The following TACC2 variants were observed in gnomAD, a reference collection of about 807,000 sequenced individuals.
The protein encoded by TACC2 is transforming acidic coiled-coil containing protein 2.
Under a neutral mutation model 227.3 loss-of-function variants are expected in TACC2, and 137 were observed. The observed-to-expected ratio is 0.60, with a 90% CI of 0.52 to 0.69. The LOEUF is 0.69. TACC2 is among the 30% of genes least tolerant of loss of function. TACC2 has a pLI of 0.00. For missense variants in TACC2, 3,470 were observed against 3,694.4 expected (o/e 0.94, Z 1.57); for synonymous variants, 1,523 against 1,487.5 (o/e 1.02, Z -0.55).
chr10:122,164,241 G>T (rs2093010429), intron 7 of TACC2, among the ~76,000 whole-genome samples: 1 of 152,208 alleles, frequency 6.6e-6, no homozygotes, highest in Admixed American at 6.5e-5. Context: ...GTGCATGGCT[G>T]GGGGGCTTCT....
At chr10:122,022,234 C>A (rs1957421693) in intron 2 of TACC2, 6 of 509,926 alleles carry the variant, frequency 1.2e-5, no homozygotes, top group African/African-American at 1.9e-5. Flanking sequence ...AACGCTAATT[C>A]TACTTATTAT....
chr10:122,007,790 C>T (rs1056212855), intron 1 of TACC2, among the ~76,000 whole-genome samples: 8 of 152,106 alleles, frequency 5.3e-5, no homozygotes, highest in African/African-American at 1.9e-4. Context: ...CATTGAAATT[C>T]AGTCCCCAAT....
At chr10:122,034,094 G>A (rs569877662) in intron 2 of TACC2, among the ~76,000 whole-genome samples, 2 of 147,984 alleles carry the variant, frequency 1.4e-5, no homozygotes, top group Non-Finnish European at 3.0e-5. Context: ...AGAGGTTGCA[G>A]TGAGCCGAGA....
rs527931288 is a variant in TACC2 at position 122,182,895 on chromosome 10, G to A, written c.5835-12145G>A. The stretch of plus-strand genomic sequence containing the variant: ...ACACATAGGTGAAGATACATTCGAT[G>A]TAAACAGCTTAGGAGCCAGGTCGGG... On this transcript the variant is annotated intron_variant, in intron 7 of 22. Coordinates refer to ENST00000369005, the MANE Select transcript of TACC2 (RefSeq NM_206862.4). 2.6e-5 allele frequency among the ~76,000 whole-genome samples: 4 copies of A among 152,256 alleles called. No individual in the cohort carries two copies. The East Asian group carries it at 7.7e-4, about 29-fold the overall frequency.
Position 122,088,390 on chromosome 10 carries a change from T to C in TACC2, c.5460-88T>C, listed in dbSNP as rs927553433. ...TTGTAGTAGCCACTTAAAACTTTAA[T>C]TGAGAAATCTGCTTTTTCAATAGGA... On this transcript the variant is annotated intron_variant, in intron 4 of 22. Transcript: ENST00000369005. 9 of 1,269,564 alleles carry C rather than the reference T, an allele frequency of 7.1e-6. No individual in the cohort carries two copies. The African/African-American group carries it at 1.4e-4, about 19-fold the overall frequency. 78.6% of individuals were successfully genotyped at this position (1,269,564 alleles called of 1,614,324 possible).
At position 122,083,255 on chromosome 10, in the gene TACC2, C is replaced by A; in HGVS notation, c.755C>A (p.Ala252Asp). The A allele has an allele frequency of 6.2e-7, 1 of 1,613,670 alleles. No homozygotes were observed. Among genetic ancestry groups the A allele is most frequent in the Non-Finnish European group, 8.5e-7 (1 of 1,179,994 alleles). Residue 252 changes from alanine (A) to aspartate (D), a missense_variant, in exon 4 of 23, where the codon GCC (alanine) becomes GAC (aspartate). This residue lies in a region of TACC2 where 405 missense variants were observed against 389.6 expected (regional missense o/e 1.04). Coordinates refer to ENST00000369005, the MANE Select transcript of TACC2 (RefSeq NM_206862.4). ...GVASVQVTPE[A>D]PAAAQQGTES... ...GCTTCTGTGCAAGTGACCCCTGAGG[C>A]CCCTGCTGCAGCCCAGCAGGGCACA...
chr10:122,198,061 T>C (rs1004560629), intron 8 of TACC2, among the ~76,000 whole-genome samples: 2 of 152,258 alleles, frequency 1.3e-5, no homozygotes, highest in African/African-American at 4.8e-5. Context: ...CGTGAATTAA[T>C]ACACAACACC....
intron 2 of TACC2, 160 bp downstream of exon 2, chr10:122,022,174 A>T (rs554928538): frequency 1.6e-6 from 1 of 634,690 alleles, no homozygotes; most frequent in African/African-American, 1.8e-5. Flanking sequence ...GCCATTTTTC[A>T]TTTCATTGGA....
At chr10:122,130,573 G>A (rs987338646) in intron 5 of TACC2, among the ~76,000 whole-genome samples, 7 of 152,122 alleles carry the variant, frequency 4.6e-5, no homozygotes, top group African/African-American at 1.4e-4. Context: ...ATAAGCCACC[G>A]TGCCCAGCCC....
At chr10:122,216,606 C>T (rs776155794) in intron 10 of TACC2, 21 bp from the exon 11 acceptor site, 2 of 1,609,174 alleles carry the variant, frequency 1.2e-6, no homozygotes, top group Non-Finnish European at 1.7e-6. Flanking sequence ...AGACAAGAAA[C>T]AGTTTCTCTT....
intron 16 of TACC2, among the ~76,000 whole-genome samples, chr10:122,232,253 A>C (rs1399059598): frequency 1.3e-5 from 2 of 152,206 alleles, no homozygotes; most frequent in Non-Finnish European, 2.9e-5. Context: ...AGACAGAATG[A>C]ATTGCATGCA....
intron 7 of TACC2, among the ~76,000 whole-genome samples, chr10:122,158,336 C>A (rs1340717881): frequency 6.6e-6 from 1 of 151,890 alleles, no homozygotes; most frequent in African/African-American, 2.4e-5. Context: ...TTGCAGTGAG[C>A]TGAGATCGTG....
chr10:122,159,291 C>T (rs111881840), intron 7 of TACC2, among the ~76,000 whole-genome samples: 1 of 152,174 alleles, frequency 6.6e-6, no homozygotes, highest in African/African-American at 2.4e-5. Context: ...CTGAGTGATG[C>T]GGCAGTGTGT....
At chr10:122,111,257 T>A (rs966467648) in intron 5 of TACC2, among the ~76,000 whole-genome samples, 2 of 152,232 alleles carry the variant, frequency 1.3e-5, no homozygotes, top group African/African-American at 4.8e-5. Flanking sequence ...GTGGCCATCT[T>A]GCCGGGGCCT....
At position 122,074,081 on chromosome 10, in the gene TACC2, C is replaced by CTT. The variant is rs3981240; in HGVS notation, c.147-8550_147-8549dup. Reference sequence around the variant, plus strand: ...AGGCGTAAGTCACAGCACCCGGCATCTTTTTTTTTTTTTTTTTGAGACGGA... The same window carrying CTT: ...AGGCGTAAGTCACAGCACCCGGCATCTTTTTTTTTTTTTTTTTTTGAGACGGA... On this transcript the variant is annotated intron_variant, in intron 3 of 22. Coordinates refer to ENST00000369005, the MANE Select transcript of TACC2 (RefSeq NM_206862.4). Among the ~76,000 whole-genome samples the CTT allele has an allele frequency of 4.0e-3, 533 of 132,156 alleles. 9 individuals are homozygous for CTT. The highest frequency in any genetic ancestry group is 8.3e-3 in the Middle Eastern group (2 of 240). The allele number at this position is 132,156 out of a possible 152,430, so 86.7% of individuals were successfully genotyped here. A position where few individuals can be genotyped will look rare whatever the true frequency, so the allele number is the denominator to read the frequency against.
chr10:122,017,858 AAAAG>A (rs1243205122), intron 1 of TACC2, among the ~76,000 whole-genome samples: 1 of 151,458 alleles, frequency 6.6e-6, no homozygotes, highest in African/African-American at 2.4e-5. Context: ...AAGAAAAAGA[AAAAG>A]AAAAATTCTT....
chr10:122,031,473 C>T (rs900936098), intron 2 of TACC2, among the ~76,000 whole-genome samples: 16 of 141,912 alleles, frequency 1.1e-4, no homozygotes, highest in Non-Finnish European at 9.0e-5. Context: ...GGCACAATCT[C>T]GGCTCACTGC....
chr10:122,091,749 A>G (rs867496258), intron 5 of TACC2, among the ~76,000 whole-genome samples: 1 of 152,056 alleles, frequency 6.6e-6, no homozygotes, highest in Non-Finnish European at 1.5e-5. Context: ...CAGGGGCTGT[A>G]CTTCCTAGGA....
chr10:122,149,720 G>A (rs371953848), intron 7 of TACC2, among the ~76,000 whole-genome samples: 1 of 152,232 alleles, frequency 6.6e-6, no homozygotes, highest in Non-Finnish European at 1.5e-5. Context: ...CCTTGTAGGC[G>A]GGGTGCAGAT....
Sources: gnomAD v4.1 joint callset for allele counts (sites outside exome capture counted in the v4.1 genomes callset) on GRCh38, gnomAD v4.1.1 for gene constraint, gnomAD v4.1.1 regional missense constraint, MANE v1.5 for transcripts, NCBI Gene and HGNC (gene_info 2026-07-23, HGNC 2026-07-21) for gene names.